The following ZNF124 variants were observed in gnomAD, a reference collection of about 807,000 sequenced individuals.
The protein encoded by ZNF124 is zinc finger protein 124.
In ZNF124, 25 loss-of-function variants were observed where a neutral mutation model predicts 26.6. The observed-to-expected ratio is 0.94, with a 90% CI of 0.68 to 1.31. The LOEUF (loss-of-function observed/expected upper bound fraction) is 1.31, where lower values mean the gene tolerates loss of function less well. Among genes scored for constraint, ZNF124 ranks in the 40% most tolerant of loss-of-function variants. The pLI is 0.00. For missense variants in ZNF124, 444 were observed against 422.2 expected (o/e 1.05, Z -0.45); for synonymous variants, 129 against 133.3 (o/e 0.97, Z 0.22).
chr1:247,160,435 T>C (rs1422154575), intron 1 of ZNF124, among the ~76,000 whole-genome samples: 1 of 152,184 alleles, frequency 6.6e-6, no homozygotes, highest in African/African-American at 2.4e-5. Context: ...AGTCTTACTA[T>C]CTGGTGTGCA....
At chr1:247,146,394 T>C (rs559257498) in intron 3 of ZNF124, among the ~76,000 whole-genome samples, 46 of 152,356 alleles carry the variant, frequency 3.0e-4, no homozygotes, top group African/African-American at 9.4e-4. Context: ...AGAGTTCAAA[T>C]TGACCCACCT....
chr1:247,153,264 CCCTGCAATGTAT>C (rs1399080348), downstream of ZNF124, among the ~76,000 whole-genome samples: 148 of 152,226 alleles, frequency 9.7e-4, no homozygotes, highest in African/African-American at 3.4e-3. Flanking sequence ...GTTAAAGTGT[CCCTGCAATGTAT>C]TCATCACTGT....
At chr1:247,152,528 T>C (rs943585692), downstream of ZNF124, among the ~76,000 whole-genome samples, 2 of 152,124 alleles carry the variant, frequency 1.3e-5, no homozygotes, top group Admixed American at 1.3e-4. Flanking sequence ...TTGTATATAG[T>C]TGGATAAATT....
intron 3 of ZNF124, among the ~76,000 whole-genome samples, chr1:247,136,128 T>C (rs1009660908): frequency 6.6e-6 from 1 of 152,116 alleles, no homozygotes; most frequent in African/African-American, 2.4e-5. Context: ...AAGACAAGGA[T>C]GACCTCTCTC....
rs1673059691 is a variant in ZNF124, at chr1:247,155,225, A to AT, written c.*1340dup. Reference sequence around the variant, plus strand: ...TATAATAAACTTTACATACTTACAAATTGACAGCAACTCTATTAGCAAAGA... The same window carrying AT: ...TATAATAAACTTTACATACTTACAAATTTGACAGCAACTCTATTAGCAAAGA... On this transcript the variant is annotated 3_prime_UTR_variant, in exon 4 of 4. Coordinates refer to ENST00000543802, the MANE Select transcript of ZNF124 (RefSeq NM_001297568.2). Among the ~76,000 whole-genome samples the AT allele has an allele frequency of 6.6e-6, 1 of 152,106 alleles. No individual in the cohort carries two copies. The highest frequency in any genetic ancestry group is 1.5e-5 in the Non-Finnish European group (1 of 68,038).
exon 4 of ZNF124, chr1:247,122,290 A>G (rs1672100765): frequency 1.3e-5 from 2 of 152,254 alleles, no homozygotes; most frequent in South Asian, 2.1e-4. Flanking sequence ...ATCGTTTAAC[A>G]TGTATAACAC....
chr1:247,135,546 C>A (rs796466541), intron 3 of ZNF124, among the ~76,000 whole-genome samples: 3 of 152,002 alleles, frequency 2.0e-5, no homozygotes, highest in African/African-American at 7.3e-5. Flanking sequence ...AATAGCCTAC[C>A]AATCAAAAAA....
intron 3 of ZNF124, among the ~76,000 whole-genome samples, chr1:247,143,574 A>C (rs1195125683): frequency 6.6e-6 from 1 of 152,122 alleles, no homozygotes; most frequent in Non-Finnish European, 1.5e-5. Context: ...TGGGAACCCT[A>C]CCCTGTTCCA....
intron 3 of ZNF124, among the ~76,000 whole-genome samples, chr1:247,143,612 A>G (rs1473011356): frequency 6.6e-6 from 1 of 152,212 alleles, no homozygotes; most frequent in Non-Finnish European, 1.5e-5. Context: ...ACAATGTTCT[A>G]ATTACTCCTG....
chr1:247,141,683 T>C (rs1188505315), intron 3 of ZNF124, among the ~76,000 whole-genome samples: 1 of 152,078 alleles, frequency 6.6e-6, no homozygotes, highest in Non-Finnish European at 1.5e-5. Context: ...GAGAGGTGAC[T>C]GTTCTGTGTT....
intron 3 of ZNF124, among the ~76,000 whole-genome samples, chr1:247,145,187 C>G (rs1361161689): frequency 6.6e-6 from 1 of 152,106 alleles, no homozygotes; most frequent in African/African-American, 2.4e-5. Context: ...AGAGATTATT[C>G]CTTTTTAGAA....
At chr1:247,149,107 C>T (rs1672860870) in intron 3 of ZNF124, among the ~76,000 whole-genome samples, 1 of 152,182 alleles carries the variant, frequency 6.6e-6, no homozygotes, top group African/African-American at 2.4e-5. Flanking sequence ...TGAAGATACA[C>T]ATCCTTCAAG....
At chr1:247,127,915 A>T (rs1672250311) in intron 3 of ZNF124, among the ~76,000 whole-genome samples, 1 of 152,122 alleles carries the variant, frequency 6.6e-6, no homozygotes, top group Non-Finnish European at 1.5e-5. Context: ...CTACAACTTC[A>T]GTCTAATTTC....
intron 3 of ZNF124, among the ~76,000 whole-genome samples, chr1:247,147,969 TAGAG>T (rs774039267): frequency 1.1e-4 from 17 of 152,100 alleles, no homozygotes; most frequent in South Asian, 4.1e-4. Flanking sequence ...AGCGAGTACA[TAGAG>T]AGAGAGAGAT....
intron 3 of ZNF124, among the ~76,000 whole-genome samples, chr1:247,142,336 T>C (rs893368642): frequency 2.0e-5 from 3 of 152,208 alleles, no homozygotes; most frequent in East Asian, 3.8e-4. Flanking sequence ...ATACTGAAAA[T>C]GGTAAACCCA....
intron 2 of ZNF124, 123 bp downstream of exon 2, chr1:247,159,564 G>C (rs1481934480): frequency 1.1e-6 from 1 of 940,198 alleles, no homozygotes; most frequent in African/African-American, 1.7e-5. Context: ...TTGCACACTG[G>C]GTCCATGCCT....
intron 3 of ZNF124, among the ~76,000 whole-genome samples, chr1:247,131,876 T>C (rs4115691): frequency 0.079 from 11,992 of 152,246 alleles, 796 homozygotes; most frequent in African/African-American, 0.17. Flanking sequence ...CTTGGCAGCC[T>C]AGGTGAGTGG....
At position 247,155,931 on chromosome 1, in the gene ZNF124, C is replaced by T; in HGVS notation, c.*635G>A. ...GAAGTGAAAATCTATATTCTAGAGA[C>T]TCTCTTCAAAAATGAGCAACCAATA... On this transcript the variant is annotated 3_prime_UTR_variant, in exon 4 of 4. Coordinates refer to ENST00000543802, the MANE Select transcript of ZNF124 (RefSeq NM_001297568.2). 1.1e-6 allele frequency: 1 copy of T among 913,188 alleles called. No homozygotes were observed. Among genetic ancestry groups the T allele is most frequent in the Non-Finnish European group, 1.3e-6 (1 of 766,562 alleles). 56.6% of individuals were successfully genotyped at this position (913,188 alleles called of 1,614,324 possible).
chr1:247,144,677 G>A (rs1672715893), intron 3 of ZNF124, among the ~76,000 whole-genome samples: 4 of 152,142 alleles, frequency 2.6e-5, no homozygotes, highest in Non-Finnish European at 4.4e-5. Flanking sequence ...GGGTCAATTT[G>A]AACTCTCTGA....
Sources: gnomAD v4.1 joint callset for allele counts (sites outside exome capture counted in the v4.1 genomes callset) on GRCh38, gnomAD v4.1.1 for gene constraint, MANE v1.5 for transcripts, NCBI Gene and HGNC (gene_info 2026-07-23, HGNC 2026-07-21) for gene names.